TMEM116: variants seen among roughly 807,000 people sequenced by gnomAD.
The protein encoded by TMEM116 is transmembrane protein 116.
In TMEM116, 38 loss-of-function variants were observed where a neutral mutation model predicts 44.3. That is an observed-to-expected ratio of 0.86 (90% CI 0.66 to 1.12). TMEM116 has a LOEUF of 1.12. Ranked by LOEUF, TMEM116 falls within the 50% of genes most tolerant of loss-of-function variation. TMEM116 has a pLI of 0.00. For missense variants in TMEM116, 354 were observed against 401.7 expected (o/e 0.88, Z 1.01); for synonymous variants, 132 against 144.8 (o/e 0.91, Z 0.64).
In TMEM116 at chr12:111,991,871, G is replaced by A; in HGVS notation, c.97C>T (p.Leu33=). 6.5e-7 allele frequency: 1 copy of A among 1,535,444 alleles called. No individual in the cohort carries two copies. ...KSPEIRPLFY[L]SFCDLLLGLC... is the part of the protein sequence containing the mutation. ...CCCAGGAGCAGGTCACAGAAGCTCAGATAAAAAAGTGGTCTTATCTGTCAA... is the reference window on the plus strand; with the variant it reads ...CCCAGGAGCAGGTCACAGAAGCTCAAATAAAAAAGTGGTCTTATCTGTCAA... The change falls in exon 4 of 11, where the codon CTG becomes TTG. Residue 33 remains leucine, a synonymous_variant. Coordinates refer to ENST00000552374, the MANE Select transcript of TMEM116 (RefSeq NM_001193531.2).
At chr12:111,966,979 C>T (rs747797320) in intron 4 of TMEM116, among the ~76,000 whole-genome samples, 1 of 152,160 alleles carries the variant, frequency 6.6e-6, no homozygotes, top group Non-Finnish European at 1.5e-5. Flanking sequence ...CCAAACTATG[C>T]AATAAACTGG....
At chr12:111,955,148 G>A (rs2073989270) in intron 4 of TMEM116, among the ~76,000 whole-genome samples, 1 of 152,048 alleles carries the variant, frequency 6.6e-6, no homozygotes, top group African/African-American at 2.4e-5. Context: ...GTTGACTCAA[G>A]GCCTTTGTCA....
chr12:111,952,475 G>GAT (rs1177612510), intron 4 of TMEM116, among the ~76,000 whole-genome samples: 1 of 152,234 alleles, frequency 6.6e-6, no homozygotes, highest in Non-Finnish European at 1.5e-5. Flanking sequence ...AGAGGTCTGT[G>GAT]ATGGTTAATA....
At chr12:111,986,167 G>A (rs1270712517) in intron 4 of TMEM116, among the ~76,000 whole-genome samples, 1 of 151,606 alleles carries the variant, frequency 6.6e-6, no homozygotes, top group African/African-American at 2.4e-5. Flanking sequence ...ACCAGCCTGA[G>A]CAACACGGCA....
At chr12:111,953,407 G>T (rs1376980577) in intron 4 of TMEM116, among the ~76,000 whole-genome samples, 9 of 152,154 alleles carry the variant, frequency 5.9e-5, no homozygotes, top group Non-Finnish European at 1.3e-4. Context: ...TGATCAAAGG[G>T]GAGAAATGCG....
chr12:112,003,839 A>C lies in TMEM116; in HGVS notation c.39T>G (p.Ile13Met), dbSNP rs937652375. The change falls in exon 3 of 11, where the codon ATT (isoleucine) becomes ATG (methionine). Residue 13 changes from isoleucine (I) to methionine (M), a missense_variant. Ile to Met is a conservative substitution (Grantham distance 10). Transcript: ENST00000552374. ...GTATATTATGGAATACAGCATAGGC[A>C]ATAAGTGAACTTGAACCTATAACAC... is the stretch of plus-strand genomic sequence containing the variant. ...TLSVIGSSSL[I>M]AYAVFHNIQK... The C allele has an allele frequency of 1.3e-6, 2 of 1,516,040 alleles. No individual in the cohort carries two copies. The highest frequency in any genetic ancestry group is 2.2e-5 in the Admixed American group (1 of 45,886). The allele number at this position is 1,516,040 out of a possible 1,614,324, so 93.9% of individuals were successfully genotyped here.
chr12:111,968,230 C>G (rs551264256), intron 4 of TMEM116, among the ~76,000 whole-genome samples: 2 of 152,046 alleles, frequency 1.3e-5, no homozygotes, highest in East Asian at 1.9e-4. Flanking sequence ...ATGGTGCCAA[C>G]AATAGTGCCT....
chr12:111,940,508 CACACATATATATGTGTATATATATATAT>C lies in TMEM116; in HGVS notation c.316-2326_316-2299del, dbSNP rs1424049436. Among the ~76,000 whole-genome samples the C allele has an allele frequency of 2.8e-3, 328 of 115,158 alleles. 5 individuals are homozygous for C. Among genetic ancestry groups the C allele is most frequent in the African/African-American group, 0.011 (319 of 28,362 alleles). 75.5% of individuals were successfully genotyped at this position (115,158 alleles called of 152,430 possible). On this transcript the variant is annotated intron_variant, in intron 5 of 10. Coordinates refer to ENST00000552374, the MANE Select transcript of TMEM116 (RefSeq NM_001193531.2). ...ACACACACACACACACATATATATA[CACACATATATATGTGTATATATATATAT>C]ATATATATACACACACACATATATA...
intron 4 of TMEM116, among the ~76,000 whole-genome samples, chr12:111,977,755 TA>T (rs1272624811): frequency 6.6e-6 from 1 of 152,032 alleles, no homozygotes; most frequent in Non-Finnish European, 1.5e-5. Context: ...AGCAATATTA[TA>T]AGAGACAGGA....
rs199678887 is a variant in TMEM116 at position 111,938,999 on chromosome 12, G to A, written c.316-789C>T. Reference sequence around the variant, plus strand: ...AATTTGCCCCAAACAGTTTGGAGCAGGAATAGGACAGCTAGCATTGACTTT... The same window carrying A: ...AATTTGCCCCAAACAGTTTGGAGCAAGAATAGGACAGCTAGCATTGACTTT... On this transcript the variant is annotated intron_variant, in intron 5 of 10. Transcript: ENST00000552374. 4.6e-5 allele frequency among the ~76,000 whole-genome samples: 7 copies of A among 152,282 alleles called. No individual in the cohort carries two copies. In the East Asian group the frequency reaches 7.7e-4, roughly 17 times the overall value.
chr12:112,006,438 T>C (rs1047876170), intron 1 of TMEM116, among the ~76,000 whole-genome samples: 2 of 152,160 alleles, frequency 1.3e-5, no homozygotes, highest in African/African-American at 4.8e-5. Flanking sequence ...CAGAAGCCTG[T>C]GATGGAAAAG....
intron 3 of TMEM116, chr12:111,993,552 C>A: frequency 3.7e-6 from 2 of 545,112 alleles, no homozygotes; most frequent in Non-Finnish European, 7.2e-6. Context: ...AAATTCAAAC[C>A]CAACCAGGTT....
intron 4 of TMEM116, among the ~76,000 whole-genome samples, chr12:111,990,367 C>T (rs78745958): frequency 0.092 from 14,021 of 151,918 alleles, 714 homozygotes; most frequent in East Asian, 0.23. Flanking sequence ...TAGGTACTGG[C>T]GAAACATTAC....
intron 4 of TMEM116, among the ~76,000 whole-genome samples, chr12:111,988,563 G>A (rs1160033990): frequency 6.6e-6 from 1 of 151,904 alleles, no homozygotes; most frequent in Non-Finnish European, 1.5e-5. Context: ...GCCGGGCATA[G>A]TGGCGCATGC....
chr12:112,003,670 A>C (rs2136716664), intron 3 of TMEM116, 130 bp downstream of exon 3: 1 of 1,319,528 alleles, frequency 7.6e-7, no homozygotes, highest in South Asian at 1.6e-5. Flanking sequence ...AAAATATCTC[A>C]TTGTATCATC....
chr12:111,988,687 G>A lies in TMEM116; in HGVS notation c.210+3071C>T, dbSNP rs187518163. On this transcript the variant is annotated intron_variant, in intron 4 of 10. Coordinates refer to ENST00000552374, the MANE Select transcript of TMEM116 (RefSeq NM_001193531.2). ...GCACTCCAGCCTGGTGACAGAGTGA[G>A]ACTCCATCTCAAAAAACGAACAGGC... Among the ~76,000 whole-genome samples, 17 of 129,594 alleles carry A rather than the reference G, an allele frequency of 1.3e-4. No homozygotes were observed. In the East Asian group the frequency reaches 2.4e-3, roughly 18 times the overall value. 85.0% of individuals were successfully genotyped at this position (129,594 alleles called of 152,430 possible).
At chr12:112,007,150 C>G (rs981675269) in intron 1 of TMEM116, among the ~76,000 whole-genome samples, 1 of 152,200 alleles carries the variant, frequency 6.6e-6, no homozygotes, top group Non-Finnish European at 1.5e-5. Flanking sequence ...TGTGCTGGCC[C>G]ACGCCTGTAA....
At chr12:111,948,836 T>C (rs11837856) in intron 4 of TMEM116, among the ~76,000 whole-genome samples, 9,824 of 152,106 alleles carry the variant, frequency 0.065, 1,064 homozygotes, top group African/African-American at 0.22. Flanking sequence ...TCCAATACTT[T>C]GGTAGTCCTA....
At chr12:111,959,850 C>T (rs2074443628) in intron 4 of TMEM116, among the ~76,000 whole-genome samples, 1 of 152,212 alleles carries the variant, frequency 6.6e-6, no homozygotes, top group African/African-American at 2.4e-5. Context: ...CACCCAGACT[C>T]ATAAAACAAG....
Sources: allele counts gnomAD v4.1 joint callset (sites outside exome capture counted in the v4.1 genomes callset), GRCh38; gene constraint gnomAD v4.1.1; transcripts MANE v1.5; gene names NCBI Gene and HGNC (gene_info 2026-07-23, HGNC 2026-07-21).